Variants in GPC5 observed in about 807,000 individuals in gnomAD.
The protein encoded by GPC5 is glypican-5.
A neutral mutation model predicts 53.9 loss-of-function variants in GPC5; 47 were observed. The observed-to-expected ratio is 0.87, with a 90% CI of 0.69 to 1.11. The LOEUF (loss-of-function observed/expected upper bound fraction) is 1.11, where lower values mean the gene tolerates loss of function less well. GPC5 is among the 50% of genes most tolerant of loss of function. The pLI is 0.00. For missense variants in GPC5, 748 were observed against 713.1 expected (o/e 1.05, Z -0.56); for synonymous variants, 286 against 263.3 (o/e 1.09, Z -0.84).
At chr13:91,720,927 T>C (rs3904388) in intron 3 of GPC5, among the ~76,000 whole-genome samples, 3,694 of 152,238 alleles carry the variant, frequency 0.024, 133 homozygotes, top group African/African-American at 0.084. Context: ...TCCAGATAGA[T>C]AGATCTTCCA....
chr13:92,672,436 G>A (rs1021331036), intron 7 of GPC5, among the ~76,000 whole-genome samples: 1 of 152,162 alleles, frequency 6.6e-6, no homozygotes, highest in Non-Finnish European at 1.5e-5. Context: ...CTGTTGGTGG[G>A]AGTGTAAATT....
rs755944353 is a variant in GPC5, at chr13:91,672,473, C to CATTTACACGGTCA, written c.326-20712_326-20711insTTACACGGTCAAT. Among the ~76,000 whole-genome samples, 260 of 152,240 alleles carry CATTTACACGGTCA rather than the reference C, an allele frequency of 1.7e-3. 1 individual carries two copies. The highest frequency in any genetic ancestry group is 6.1e-3 in the African/African-American group (254 of 41,546). On this transcript the variant is annotated intron_variant, in intron 2 of 7. Transcript: ENST00000377067. ...AGAAGGCATTTACACGGTCAACAAA[C>CATTTACACGGTCA]ATATGAAGAAAAGCTCAACATTACT...
At chr13:92,558,961 G>T (rs727987) in intron 7 of GPC5, among the ~76,000 whole-genome samples, 83,235 of 151,588 alleles carry the variant, frequency 0.55, 24,682 homozygotes, top group African/African-American at 0.78. Flanking sequence ...TCAGGCATGA[G>T]CAACAGGGAG....
intron 7 of GPC5, among the ~76,000 whole-genome samples, chr13:92,269,879 C>T (rs2042828193): frequency 6.6e-6 from 1 of 152,168 alleles, no homozygotes; most frequent in African/African-American, 2.4e-5. Context: ...GATTTTAGTA[C>T]TAGACATTAT....
At chr13:91,914,399 G>A (rs1289980367) in intron 6 of GPC5, among the ~76,000 whole-genome samples, 1 of 151,924 alleles carries the variant, frequency 6.6e-6, no homozygotes, top group African/African-American at 2.4e-5. Flanking sequence ...TAACATAAGA[G>A]TATTAAGTTT....
intron 7 of GPC5, among the ~76,000 whole-genome samples, chr13:92,646,964 G>A (rs1457192614): frequency 6.6e-6 from 1 of 150,586 alleles, no homozygotes; most frequent in African/African-American, 2.5e-5. Flanking sequence ...GTGTGTGTGT[G>A]TGTATATAAA....
At chr13:92,349,152 A>G (rs1483496314) in intron 7 of GPC5, among the ~76,000 whole-genome samples, 1 of 152,136 alleles carries the variant, frequency 6.6e-6, no homozygotes, top group Non-Finnish European at 1.5e-5. Context: ...ATGTAATTTA[A>G]TTTAATTTGA....
At position 92,144,849 on chromosome 13, in the gene GPC5, C is replaced by A. The variant is rs1227178604; in HGVS notation, c.1421C>A (p.Pro474His). The change falls in exon 7 of 8, where the codon CCC becomes CAC. Residue 474 changes from proline (P) to histidine (H), a missense_variant. Transcript: ENST00000377067. ...HVVQLLQGRSPKPDKWELLQL... is the reference protein window; with the variant it reads ...HVVQLLQGRSHKPDKWELLQL... ...AATTAGTTGTTACAGGGTAGATCAC[C>A]CAAACCTGACAAGTGGGAACTTCTT... The A allele has an allele frequency of 1.2e-6, 2 of 1,611,062 alleles. No individual in the cohort carries two copies. The highest frequency in any genetic ancestry group is 4.5e-5 in the East Asian group (2 of 44,424).
chr13:91,863,359 T>G (rs957993925), intron 5 of GPC5, among the ~76,000 whole-genome samples: 1 of 152,180 alleles, frequency 6.6e-6, no homozygotes, highest in African/African-American at 2.4e-5. Context: ...TTGCTTCTCC[T>G]AAAGGGGAAT....
intron 2 of GPC5, among the ~76,000 whole-genome samples, chr13:91,504,101 G>A (rs1403589783): frequency 6.6e-6 from 1 of 151,828 alleles, no homozygotes; most frequent in Non-Finnish European, 1.5e-5. Flanking sequence ...GTTCAAAAGG[G>A]TTTGTAAAAG....
At chr13:91,611,907 G>A (rs951070519) in intron 2 of GPC5, among the ~76,000 whole-genome samples, 1 of 152,074 alleles carries the variant, frequency 6.6e-6, no homozygotes, top group African/African-American at 2.4e-5. Flanking sequence ...CAGTTTACCT[G>A]CCTAGACTTC....
chr13:92,671,006 C>T (rs1162473659), intron 7 of GPC5, among the ~76,000 whole-genome samples: 4 of 152,148 alleles, frequency 2.6e-5, no homozygotes, highest in African/African-American at 7.2e-5. Context: ...AAAGATCACC[C>T]GTAAGCATAA....
chr13:92,206,235 G>A (rs1444151335), intron 7 of GPC5, among the ~76,000 whole-genome samples: 1 of 144,330 alleles, frequency 6.9e-6, no homozygotes. Flanking sequence ...GCGCAATCTC[G>A]GCTCACTGCA....
At chr13:92,200,434 A>G (rs2042286212) in intron 7 of GPC5, among the ~76,000 whole-genome samples, 1 of 152,222 alleles carries the variant, frequency 6.6e-6, no homozygotes, top group South Asian at 2.1e-4. Flanking sequence ...TAAATGCAAG[A>G]CATTCAACTC....
chr13:91,701,042 T>C (rs184661), intron 3 of GPC5, among the ~76,000 whole-genome samples: 30,059 of 152,098 alleles, frequency 0.2, 3,641 homozygotes, highest in African/African-American at 0.33. Context: ...CTGCATAAAC[T>C]CATGTGTATG....
chr13:92,150,654 C>T (rs979754484), intron 7 of GPC5, among the ~76,000 whole-genome samples: 1 of 151,840 alleles, frequency 6.6e-6, no homozygotes, highest in Non-Finnish European at 1.5e-5. Context: ...TCCTTGAATG[C>T]CTAAGTGATT....
intron 1 of GPC5, among the ~76,000 whole-genome samples, chr13:91,405,003 A>AT (rs1300123522): frequency 2.6e-5 from 4 of 152,148 alleles, no homozygotes; most frequent in South Asian, 4.1e-4. Context: ...TCTAAGCCTG[A>AT]TTTTTTAAAG....
chr13:92,168,863 T>TTATAAAGA (rs1385855559), intron 7 of GPC5, among the ~76,000 whole-genome samples: 2 of 152,168 alleles, frequency 1.3e-5, no homozygotes, highest in East Asian at 3.9e-4. Flanking sequence ...AATCATTCTA[T>TTATAAAGA]TATAAAGATA....
chr13:91,664,258 C>T (rs894760666), intron 2 of GPC5, among the ~76,000 whole-genome samples: 4 of 152,200 alleles, frequency 2.6e-5, no homozygotes, highest in African/African-American at 9.6e-5. Context: ...TAGGAGGGAT[C>T]AGATGTTCCT....
Sources: allele counts gnomAD v4.1 joint callset (sites outside exome capture counted in the v4.1 genomes callset), GRCh38; gene constraint gnomAD v4.1.1; transcripts MANE v1.5; gene names NCBI Gene and HGNC (gene_info 2026-07-23, HGNC 2026-07-21).